The following RAF1 variants were observed in gnomAD, a reference collection of about 807,000 sequenced individuals.
The protein encoded by RAF1 is Raf-1 proto-oncogene, serine/threonine kinase.
A neutral mutation model predicts 81.1 loss-of-function variants in RAF1; 27 were observed. The ratio of observed to expected loss-of-function variants is 0.33; its 90% CI spans 0.25 to 0.46. The LOEUF (loss-of-function observed/expected upper bound fraction) is 0.46. Ranked by LOEUF, RAF1 falls within the 20% of genes least tolerant of loss-of-function variation. RAF1 has a pLI of 1.00. For missense variants in RAF1, 598 were observed against 826.0 expected (o/e 0.72, Z 3.38); for synonymous variants, 298 against 294.0 (o/e 1.01, Z -0.14).
At chr3:12,648,931 A>G (rs1452465160) in intron 1 of RAF1, among the ~76,000 whole-genome samples, 2 of 152,146 alleles carry the variant, frequency 1.3e-5, no homozygotes, top group African/African-American at 4.8e-5. Context: ...CCTGACCAAC[A>G]TGGAGAAACC....
At chr3:12,607,043 T>C (rs1408181906) in intron 5 of RAF1, among the ~76,000 whole-genome samples, 1 of 152,210 alleles carries the variant, frequency 6.6e-6, no homozygotes, top group African/African-American at 2.4e-5. Context: ...ATCAAAATAA[T>C]ATTTTTCAAA....
chr3:12,642,721 A>ACACACACAC, intron 1 of RAF1, among the ~76,000 whole-genome samples: 1 of 84,184 alleles, frequency 1.2e-5, no homozygotes, highest in South Asian at 4.3e-4. Context: ...CACACACACA[A>ACACACACAC]AATAGCTGCG....
chr3:12,628,483 T>TA (rs898672893), intron 1 of RAF1, among the ~76,000 whole-genome samples: 2 of 152,176 alleles, frequency 1.3e-5, no homozygotes, highest in African/African-American at 4.8e-5. Flanking sequence ...ACAACACAGT[T>TA]AGACACCTAC....
intron 2 of RAF1, among the ~76,000 whole-genome samples, chr3:12,617,246 G>T (rs1295413201): frequency 6.6e-6 from 1 of 152,116 alleles, no homozygotes; most frequent in Non-Finnish European, 1.5e-5. Flanking sequence ...CCAAGTAGCT[G>T]GGATTACAAA....
chr3:12,586,764 A>G (rs918866452), intron 14 of RAF1: 2 of 152,188 alleles, frequency 1.3e-5, no homozygotes, highest in Admixed American at 6.5e-5. Flanking sequence ...ACTCTTCTAT[A>G]AAAACAACCC....
intron 1 of RAF1, among the ~76,000 whole-genome samples, chr3:12,620,272 T>C (rs1263603909): frequency 2.6e-5 from 4 of 151,954 alleles, no homozygotes; most frequent in Admixed American, 2.6e-4. Context: ...GTAGCCGGGA[T>C]TACAGGCATG....
chr3:12,593,799 T>TTTC (rs1414386506), intron 11 of RAF1, among the ~76,000 whole-genome samples: 60 of 148,946 alleles, frequency 4.0e-4, no homozygotes, highest in Admixed American at 1.3e-3. Context: ...TTTTTTTTTT[T>TTTC]TTTTTTCTTT....
intron 2 of RAF1, among the ~76,000 whole-genome samples, chr3:12,614,428 G>GTA (rs35902148): frequency 0.58 from 86,935 of 151,062 alleles, 25,691 homozygotes; most frequent in East Asian, 0.91. Flanking sequence ...GTGTGTGTGT[G>GTA]TAAAATCTAT....
chr3:12,589,797 T>TTG (rs1055614742), intron 13 of RAF1: 4 of 150,732 alleles, frequency 2.7e-5, no homozygotes, highest in African/African-American at 9.8e-5. Flanking sequence ...TTTTGGGTTT[T>TTG]TTTTTTTTTT....
intron 1 of RAF1, among the ~76,000 whole-genome samples, chr3:12,632,698 A>C (rs1312745816): frequency 2.0e-5 from 3 of 152,188 alleles, no homozygotes; most frequent in Non-Finnish European, 4.4e-5. Context: ...ACTCTTCTGA[A>C]ATTCTTGAAA....
chr3:12,624,077 A>C (rs1575609984), intron 1 of RAF1, among the ~76,000 whole-genome samples: 1 of 150,902 alleles, frequency 6.6e-6, no homozygotes, highest in Non-Finnish European at 1.5e-5. Flanking sequence ...CTGGTATTGA[A>C]CTCCTGACCT....
At chr3:12,621,544 T>C (rs2059556271) in intron 1 of RAF1, among the ~76,000 whole-genome samples, 2 of 152,250 alleles carry the variant, frequency 1.3e-5, no homozygotes, top group African/African-American at 4.8e-5. Flanking sequence ...TCTTTGTACA[T>C]TCTTTTTGGG....
chr3:12,600,199 G>C lies in RAF1; in HGVS notation c.1003C>G (p.Gln335Glu). The change falls in exon 10 of 18, where the codon CAA (glutamine) becomes GAA (glutamate). Residue 335 changes from glutamine (Q) to glutamate (E), a missense_variant. By Grantham distance (29) the Gln-to-Glu change is conservative. Around this residue, in one of 5 missense-constraint regions of RAF1, gnomAD observed 194 missense variants for 202.7 expected, o/e 0.96. Transcript: ENST00000442415. ...CCAGATACTGGTGCCCGCTCTCTTTGTGCTGGCACGGGGGTTTTCGGCTGT... is the reference window on the plus strand; with the variant it reads ...CCAGATACTGGTGCCCGCTCTCTTTCTGCTGGCACGGGGGTTTTCGGCTGT... The C allele has an allele frequency of 6.2e-7, 1 of 1,614,166 alleles. No individual in the cohort carries two copies. The highest frequency in any genetic ancestry group is 8.5e-7 in the Non-Finnish European group (1 of 1,180,046).
At chr3:12,626,316 G>A (rs1005424442) in intron 1 of RAF1, among the ~76,000 whole-genome samples, 1 of 150,782 alleles carries the variant, frequency 6.6e-6, no homozygotes, top group African/African-American at 2.4e-5. Flanking sequence ...GCTGGGCACC[G>A]TGGCTCTCAC....
intron 1 of RAF1, among the ~76,000 whole-genome samples, chr3:12,621,225 A>AGTTT (rs2059548526): frequency 6.6e-6 from 1 of 152,194 alleles, no homozygotes; most frequent in East Asian, 1.9e-4. Context: ...TCACACACAC[A>AGTTT]GCTTGTAAGT....
intron 2 of RAF1, among the ~76,000 whole-genome samples, chr3:12,615,144 T>C (rs539970594): frequency 4.9e-4 from 75 of 152,332 alleles, no homozygotes; most frequent in Non-Finnish European, 1.0e-3. Flanking sequence ...AGCCCATTCA[T>C]ACAGAATGAA....
intron 3 of RAF1, among the ~76,000 whole-genome samples, chr3:12,610,376 A>T (rs1337461221): frequency 1.3e-5 from 2 of 152,232 alleles, no homozygotes; most frequent in African/African-American, 4.8e-5. Flanking sequence ...TTTTGCCCTT[A>T]TGAAGAGAAG....
At chr3:12,645,478 A>AT (rs2060318080) in intron 1 of RAF1, among the ~76,000 whole-genome samples, 1 of 152,182 alleles carries the variant, frequency 6.6e-6, no homozygotes, top group Non-Finnish European at 1.5e-5. Flanking sequence ...ATCTCTTTCC[A>AT]TTATAATACA....
At chr3:12,605,538 A>G (rs1442233401) in intron 6 of RAF1, among the ~76,000 whole-genome samples, 10 of 152,196 alleles carry the variant, frequency 6.6e-5, no homozygotes. Flanking sequence ...TCGGCCTCCC[A>G]AAGTGCTGGG....
Sources: allele counts gnomAD v4.1 joint callset (sites outside exome capture counted in the v4.1 genomes callset), GRCh38; gene constraint gnomAD v4.1.1; regional missense constraint gnomAD v4.1.1; transcripts MANE v1.5; gene names NCBI Gene and HGNC (gene_info 2026-07-23, HGNC 2026-07-21).